The following KIF4B variants were observed in gnomAD, a reference collection of about 807,000 sequenced individuals.
The protein encoded by KIF4B is kinesin family member 4B.
KIF4B carries 60 observed loss-of-function variants against 69.0 expected under a neutral mutation model. The ratio of observed to expected loss-of-function variants is 0.87; its 90% CI spans 0.71 to 1.08. The LOEUF is 1.08. Among genes scored for constraint, KIF4B ranks in the 50% least tolerant of loss-of-function variants. KIF4B has a pLI of 0.00. For missense variants in KIF4B, 1,357 were observed against 1,451.9 expected (o/e 0.93, Z 1.06); for synonymous variants, 489 against 533.0 (o/e 0.92, Z 1.14).
At position 155,014,213 on chromosome 5, in the gene KIF4B, A is replaced by G. The variant is rs1157233413; in HGVS notation, c.354A>G (p.Val118=). 3 of 1,614,264 alleles carry G rather than the reference A, an allele frequency of 1.9e-6. No individual in the cohort carries two copies. Among genetic ancestry groups the G allele is most frequent in the Non-Finnish European group, 2.5e-6 (3 of 1,180,050 alleles). The change falls in exon 1 of 1, where the codon GTA becomes GTG. Residue 118 remains valine, a synonymous_variant. Transcript: ENST00000435029. Reference sequence around the variant, plus strand: ...CAACAGTTGGCATTATTCCTAGGGTAATACAACTGCTCTTCAAAGAAATTG... The same window carrying G: ...CAACAGTTGGCATTATTCCTAGGGTGATACAACTGCTCTTCAAAGAAATTG... ...NEPTVGIIPR[V]IQLLFKEIDK... is the part of the protein sequence containing the mutation.
rs1430847206 is a variant in KIF4B at position 155,014,690 on chromosome 5, T to C, written c.831T>C (p.Leu277=). 6.2e-7 allele frequency: 1 copy of C among 1,614,074 alleles called. No homozygotes were observed. Among genetic ancestry groups the C allele is most frequent in the Non-Finnish European group, 8.5e-7 (1 of 1,180,028 alleles). ...GCTTGGGAAATGTAATCAGTGCTCTTGGAGATGACAAAAAGGGTAGCTTTG... is the reference window on the plus strand; with the variant it reads ...GCTTGGGAAATGTAATCAGTGCTCTCGGAGATGACAAAAAGGGTAGCTTTG... ...LLCLGNVISA[L]GDDKKGSFVP... Residue 277 remains leucine (L), a synonymous_variant, in exon 1 of 1, where the codon CTT becomes CTC. Coordinates refer to ENST00000435029, the MANE Select transcript of KIF4B (RefSeq NM_001099293.3).
In KIF4B at chr5:155,016,543, G is replaced by A. The variant is rs762787846; in HGVS notation, c.2684G>A (p.Cys895Tyr). 13 of 1,614,228 alleles carry A rather than the reference G, an allele frequency of 8.1e-6. No homozygotes were observed. Among genetic ancestry groups the A allele is most frequent in the South Asian group, 1.1e-5 (1 of 91,084 alleles). ...ENSLRQSKAS[C>Y]ADMQKMLFEE... ...AGCCTGAGACAGAGCAAGGCCAGCTGTGCTGACATGCAGAAGATGCTATTT... is the reference window on the plus strand; with the variant it reads ...AGCCTGAGACAGAGCAAGGCCAGCTATGCTGACATGCAGAAGATGCTATTT... The change falls in exon 1 of 1, where the codon TGT (cysteine) becomes TAT (tyrosine). Residue 895 changes from cysteine to tyrosine, a missense_variant. Transcript: ENST00000435029.
chr5:155,015,967 A>G lies in KIF4B; in HGVS notation c.2108A>G (p.Lys703Arg), dbSNP rs1264992694. 1.2e-6 allele frequency: 2 copies of G among 1,614,232 alleles called. No individual in the cohort carries two copies. The highest frequency in any genetic ancestry group is 1.7e-6 in the Non-Finnish European group (2 of 1,180,052). ...AAACAATCCAGTGTGCTCAGACGTA[A>G]AACGGAAGAGGCAGCAGCTGCCAAC... ...FQKQSSVLRR[K>R]TEEAAAANKR... is the part of the protein sequence containing the mutation. Residue 703 changes from lysine to arginine, a missense_variant, in exon 1 of 1, where the codon AAA becomes AGA. By Grantham distance (26) the Lys-to-Arg change is conservative (BLOSUM62 2). Coordinates refer to ENST00000435029, the MANE Select transcript of KIF4B (RefSeq NM_001099293.3).
Position 155,013,967 on chromosome 5 carries a change from C to T in KIF4B, c.108C>T (p.Pro36=), listed in dbSNP as rs1192389150. ...EGCQMCLSFV[P]GETQVVVGTD... is the part of the protein sequence containing the mutation. The stretch of plus-strand genomic sequence containing the variant: ...GCCAGATGTGCCTTTCCTTCGTGCC[C>T]GGGGAGACTCAGGTGGTGGTTGGTA... Residue 36 remains proline, a synonymous_variant, in exon 1 of 1, where the codon CCC becomes CCT. Coordinates refer to ENST00000435029, the MANE Select transcript of KIF4B (RefSeq NM_001099293.3). 6 of 1,614,084 alleles carry T rather than the reference C, an allele frequency of 3.7e-6. No individual in the cohort carries two copies. The highest frequency in any genetic ancestry group is 1.7e-5 in the Admixed American group (1 of 60,014).
Position 155,014,675 on chromosome 5 carries a change from TG to T in KIF4B, c.817del (p.Val273Ter), listed in dbSNP as rs764071829. The T allele has an allele frequency of 1.9e-6, 3 of 1,614,050 alleles. No homozygotes were observed. The highest frequency in any genetic ancestry group is 1.7e-6 in the Non-Finnish European group (2 of 1,180,016). On this transcript the variant is annotated frameshift_variant, in exon 1 of 1. Transcript: ENST00000435029. LOFTEE classifies it high-confidence loss of function. ...INRGLLCLGN[V>X]ISALGDDKKG... is the part of the protein sequence containing the mutation. ...ACCGAGGCCTCCTATGCTTGGGAAA[TG>T]TAATCAGTGCTCTTGGAGATGACAA...
Position 155,016,157 on chromosome 5 carries a change from C to A in KIF4B, c.2298C>A (p.Asp766Glu), listed in dbSNP as rs772524902. 2.5e-6 allele frequency: 4 copies of A among 1,614,154 alleles called. No individual in the cohort carries two copies. In the South Asian group the frequency reaches 3.3e-5, roughly 13 times the overall value. Residue 766 changes from aspartate to glutamate, a missense_variant, in exon 1 of 1, where the codon GAC becomes GAA. Coordinates refer to ENST00000435029, the MANE Select transcript of KIF4B (RefSeq NM_001099293.3). ...AGGAAGCCAAACGCCATCTGAATGA[C>A]CTCCTTGAAGACAGAAAGATCCTGG... ...STEEAKRHLN[D>E]LLEDRKILAQ...
At position 155,016,650 on chromosome 5, in the gene KIF4B, G is replaced by A. The variant is rs776512527; in HGVS notation, c.2791G>A (p.Val931Met). Residue 931 changes from valine (V) to methionine (M), a missense_variant, in exon 1 of 1, where the codon GTG (valine) becomes ATG (methionine). Physicochemically the swap from Val to Met is conservative, Grantham distance 21 (BLOSUM62 1). Transcript: ENST00000435029. ...VRMEQQHQEK[V>M]LYLVSQLQES... ...AATGGAGCAACAGCACCAAGAGAAG[G>A]TGCTATACCTTGTCAGCCAGCTGCA... 2.5e-5 allele frequency: 41 copies of A among 1,614,084 alleles called. No individual in the cohort carries two copies. In the South Asian group the frequency reaches 4.5e-4, roughly 18 times the overall value.
Position 155,015,184 on chromosome 5 carries a change from C to A in KIF4B, c.1325C>A (p.Ala442Asp). 6.2e-7 allele frequency: 1 copy of A among 1,614,160 alleles called. No homozygotes were observed. The highest frequency in any genetic ancestry group is 8.5e-7 in the Non-Finnish European group (1 of 1,180,028). Residue 442 changes from alanine to aspartate, a missense_variant, in exon 1 of 1, where the codon GCC becomes GAC. Transcript: ENST00000435029. ...CTAGAAGAGCTCAGGCAGCATGTGG[C>A]CTGCAAGCTGGATCTTCAAAAGCTA... ...AKLEELRQHV[A>D]CKLDLQKLVE...
rs1765306924 is a variant in KIF4B at position 155,015,342 on chromosome 5, G to C, written c.1483G>C (p.Glu495Gln). ...AAAIDTAVEE[E>Q]AQVETSPETS... ...AGCCATTGATACTGCGGTAGAAGAAGAAGCTCAAGTGGAAACCAGTCCAGA... is the reference window on the plus strand; with the variant it reads ...AGCCATTGATACTGCGGTAGAAGAACAAGCTCAAGTGGAAACCAGTCCAGA... The change falls in exon 1 of 1, where the codon GAA (glutamate) becomes CAA (glutamine). Residue 495 changes from glutamate to glutamine, a missense_variant. Glu to Gln is a conservative substitution (Grantham distance 29). Transcript: ENST00000435029. 1 of 1,614,200 alleles carries C rather than the reference G, an allele frequency of 6.2e-7. No homozygotes were observed.
At position 155,017,631 on chromosome 5, in the gene KIF4B, GT is replaced by G; in HGVS notation, c.*73del. ...TGCTTTCCAGTTGCAGCCAGAAGGG[GT>G]TTTTTAAATGACTTCTCTGGATTTC... On this transcript the variant is annotated 3_prime_UTR_variant, in exon 1 of 1. Transcript: ENST00000435029. The G allele has an allele frequency of 6.6e-7, 1 of 1,518,910 alleles. No homozygotes were observed. Among genetic ancestry groups the G allele is most frequent in the East Asian group, 2.3e-5 (1 of 43,396 alleles). 94.1% of individuals were successfully genotyped at this position (1,518,910 alleles called of 1,614,324 possible).
In KIF4B at chr5:155,016,677, G is replaced by A; in HGVS notation, c.2818G>A (p.Glu940Lys). ...KVLYLVSQLQ[E>K]SQMAEKQLEK... ...GCTATACCTTGTCAGCCAGCTGCAGGAAAGCCAAATGGCAGAGAAGCAGTT... is the reference window on the plus strand; with the variant it reads ...GCTATACCTTGTCAGCCAGCTGCAGAAAAGCCAAATGGCAGAGAAGCAGTT... Residue 940 changes from glutamate to lysine, a missense_variant, in exon 1 of 1, where the codon GAA (glutamate) becomes AAA (lysine). Transcript: ENST00000435029. 1 of 1,614,214 alleles carries A rather than the reference G, an allele frequency of 6.2e-7. No individual in the cohort carries two copies. The highest frequency in any genetic ancestry group is 1.1e-5 in the South Asian group (1 of 91,080).
rs1765307905 is a variant in KIF4B at position 155,015,363 on chromosome 5, C to T, written c.1504C>T (p.Pro502Ser). The T allele has an allele frequency of 6.2e-7, 1 of 1,614,188 alleles. No individual in the cohort carries two copies. The highest frequency in any genetic ancestry group is 8.5e-7 in the Non-Finnish European group (1 of 1,180,040). Residue 502 changes from proline (P) to serine (S), a missense_variant, in exon 1 of 1, where the codon CCA (proline) becomes TCA (serine). By Grantham distance (74) the Pro-to-Ser change is moderately conservative. Transcript: ENST00000435029. ...AGAAGAAGCTCAAGTGGAAACCAGTCCAGAGACAAGCAGGTCTTCTGACGC... is the reference window on the plus strand; with the variant it reads ...AGAAGAAGCTCAAGTGGAAACCAGTTCAGAGACAAGCAGGTCTTCTGACGC... ...VEEEAQVETS[P>S]ETSRSSDAFT...
Position 155,014,557 on chromosome 5 carries a change from G to T in KIF4B, c.698G>T (p.Arg233Leu). 1.2e-6 allele frequency: 2 copies of T among 1,614,060 alleles called. No homozygotes were observed. The highest frequency in any genetic ancestry group is 1.7e-6 in the Non-Finnish European group (2 of 1,179,974). The part of the protein sequence containing the change: ...RKKSDKNCSF[R>L]SKLHLVDLAG... ...AAAAGTGACAAGAATTGCAGCTTTCGCTCCAAGCTGCATCTTGTAGATCTC... is the reference window on the plus strand; with the variant it reads ...AAAAGTGACAAGAATTGCAGCTTTCTCTCCAAGCTGCATCTTGTAGATCTC... Residue 233 changes from arginine (R) to leucine (L), a missense_variant, in exon 1 of 1, where the codon CGC becomes CTC. Arg to Leu is a moderately radical substitution (Grantham distance 102). Coordinates refer to ENST00000435029, the MANE Select transcript of KIF4B (RefSeq NM_001099293.3).
At position 155,016,317 on chromosome 5, in the gene KIF4B, A is replaced by C; in HGVS notation, c.2458A>C (p.Ile820Leu). 1.9e-6 allele frequency: 3 copies of C among 1,614,228 alleles called. No homozygotes were observed. Among genetic ancestry groups the C allele is most frequent in the Non-Finnish European group, 2.5e-6 (3 of 1,180,042 alleles). Reference protein sequence around the residue: ...LESEDCITKQIESLETEMELR... With the variant: ...LESEDCITKQLESLETEMELR... ...GTCAGAAGATTGTATTACAAAACAG[A>C]TTGAAAGCCTAGAGACTGAAATGGA... Residue 820 changes from isoleucine (I) to leucine (L), a missense_variant, in exon 1 of 1, where the codon ATT becomes CTT. Transcript: ENST00000435029.
chr5:155,016,811 C>T lies in KIF4B; in HGVS notation c.2952C>T (p.Leu984=). Residue 984 remains leucine, a synonymous_variant, in exon 1 of 1, where the codon CTC becomes CTT. Transcript: ENST00000435029. ...REVCEQNQQL[L]QENEIIKQKL... ...TGTGTGAGCAAAATCAGCAGCTTCT[C>T]CAAGAGAATGAAATCATCAAGCAGA... 6.2e-7 allele frequency: 1 copy of T among 1,614,070 alleles called. No homozygotes were observed.
rs765150974 is a variant in KIF4B at position 155,014,268 on chromosome 5, A to G, written c.409A>G (p.Lys137Glu). Residue 137 changes from lysine (K) to glutamate (E), a missense_variant, in exon 1 of 1, where the codon AAA becomes GAA. By Grantham distance (56) the Lys-to-Glu change is moderately conservative (BLOSUM62 1). Transcript: ENST00000435029. Reference protein sequence around the residue: ...DKKSDFEFTLKVSYLEIYNEE... With the variant: ...DKKSDFEFTLEVSYLEIYNEE... The stretch of plus-strand genomic sequence containing the variant: ...AAAGAGTGACTTTGAATTTACTCTG[A>G]AAGTGTCTTACTTAGAGATTTACAA... The G allele has an allele frequency of 6.2e-7, 1 of 1,614,108 alleles. No homozygotes were observed. Among genetic ancestry groups the G allele is most frequent in the Non-Finnish European group, 8.5e-7 (1 of 1,180,054 alleles).
Position 155,017,212 on chromosome 5 carries a change from A to T in KIF4B, c.3353A>T (p.Lys1118Met). The change falls in exon 1 of 1, where the codon AAG becomes ATG. Residue 1118 changes from lysine (K) to methionine (M), a missense_variant. By Grantham distance (95) the Lys-to-Met change is moderately conservative. Coordinates refer to ENST00000435029, the MANE Select transcript of KIF4B (RefSeq NM_001099293.3). ...GTGGACTGTAGCTGTGACCCCACAA[A>T]GTGTCGGAACCGCCAGCAAGGCAAG... ...CGVDCSCDPTKCRNRQQGKDS... is the reference protein window; with the variant it reads ...CGVDCSCDPTMCRNRQQGKDS... 2 of 1,614,198 alleles carry T rather than the reference A, an allele frequency of 1.2e-6. No individual in the cohort carries two copies. The highest frequency in any genetic ancestry group is 2.2e-5 in the East Asian group (1 of 44,872).
chr5:155,016,079 A>T lies in KIF4B; in HGVS notation c.2220A>T (p.Ala740=). 5 of 1,614,222 alleles carry T rather than the reference A, an allele frequency of 3.1e-6. No individual in the cohort carries two copies. Among genetic ancestry groups the T allele is most frequent in the Non-Finnish European group, 4.2e-6 (5 of 1,180,042 alleles). Residue 740 remains alanine (A), a synonymous_variant, in exon 1 of 1, where the codon GCA becomes GCT. Transcript: ENST00000435029. ...AGAGCCATGGAAAGGAAGGTATTGCAGCTCGAGTGAGGAATTGGCTTGGAA... is the reference window on the plus strand; with the variant it reads ...AGAGCCATGGAAAGGAAGGTATTGCTGCTCGAGTGAGGAATTGGCTTGGAA... ...ETQSHGKEGI[A]ARVRNWLGNE...
Position 155,015,610 on chromosome 5 carries a change from C to A in KIF4B, c.1751C>A (p.Thr584Lys). The change falls in exon 1 of 1, where the codon ACA becomes AAA. Residue 584 changes from threonine to lysine, a missense_variant. Transcript: ENST00000435029. ...EKEELVRELQ[T>K]AKKNVNQAKL... is the part of the protein sequence containing the mutation. ...GAAGAATTGGTTCGTGAACTTCAGA[C>A]AGCAAAGAAGAATGTCAACCAAGCC... is the stretch of plus-strand genomic sequence containing the variant. 1 of 1,614,220 alleles carries A rather than the reference C, an allele frequency of 6.2e-7. No individual in the cohort carries two copies. Among genetic ancestry groups the A allele is most frequent in the Non-Finnish European group, 8.5e-7 (1 of 1,180,044 alleles).
Sources: allele counts gnomAD v4.1 joint callset, GRCh38; gene constraint gnomAD v4.1.1; transcripts MANE v1.5; gene names NCBI Gene and HGNC (gene_info 2026-07-23, HGNC 2026-07-21).